The following GAB2 variants were observed in gnomAD, a reference collection of about 807,000 sequenced individuals.
GAB2 encodes GRB2-associated-binding protein 2.
In GAB2, 26 loss-of-function variants were observed where a neutral mutation model predicts 65.5. That is an observed-to-expected ratio of 0.40 (90% CI 0.29 to 0.55). The LOEUF (loss-of-function observed/expected upper bound fraction) is 0.55. GAB2 is among the 20% of genes least tolerant of loss of function. The pLI, the probability that GAB2 is intolerant of heterozygous loss-of-function variation, is 0.53. For synonymous variants in GAB2, 321 were observed against 329.6 expected, an observed-to-expected ratio of 0.97 and a Z score of 0.28; for missense variants, 884 against 875.8, an observed-to-expected ratio of 1.01 and a Z score of -0.12.
chr11:78,321,872 A>T (rs1409711129), intron 1 of GAB2, among the ~76,000 whole-genome samples: 1 of 87,538 alleles, frequency 1.1e-5, no homozygotes, highest in Non-Finnish European at 2.2e-5. Flanking sequence ...TGACAAAGTT[A>T]AAAAAAAAAA....
At chr11:78,274,273 G>A (rs1866103279) in intron 2 of GAB2, among the ~76,000 whole-genome samples, 1 of 152,044 alleles carries the variant, frequency 6.6e-6, no homozygotes, top group Non-Finnish European at 1.5e-5. Context: ...GAGAAAGACA[G>A]ACACAAAGGA....
chr11:78,341,614 C>A (rs940553834), intron 1 of GAB2: 1 of 229,992 alleles, frequency 4.3e-6, no homozygotes, highest in Non-Finnish European at 7.2e-6. Context: ...CCTATCCTCA[C>A]GAATCTCATC....
Position 78,417,736 on chromosome 11 carries a change from C to T in GAB2, c.-16G>A, listed in dbSNP as rs372520986. ...CGCCGCTCATGCTGCCGGCCTGGAG[C>T]CCCCCGCCGGGTCGCGCGGACGAGG... On this transcript the variant is annotated 5_prime_UTR_variant, in exon 1 of 10. Transcript: ENST00000361507. The T allele has an allele frequency of 1.5e-4, 188 of 1,256,342 alleles. 1 individual carries two copies. Among genetic ancestry groups the T allele is most frequent in the South Asian group, 4.9e-4 (27 of 54,670 alleles). 77.8% of individuals were successfully genotyped at this position (1,256,342 alleles called of 1,614,324 possible).
At chr11:78,269,898 G>A (rs1276253961) in intron 2 of GAB2, among the ~76,000 whole-genome samples, 1 of 152,162 alleles carries the variant, frequency 6.6e-6, no homozygotes, top group Non-Finnish European at 1.5e-5. Context: ...TAAAATAGTA[G>A]AGAAGATACA....
At chr11:78,234,688 G>T (rs1243165269) in intron 3 of GAB2, among the ~76,000 whole-genome samples, 1 of 151,056 alleles carries the variant, frequency 6.6e-6, no homozygotes, top group Non-Finnish European at 1.5e-5. Flanking sequence ...TTCTTCTAGT[G>T]ATCTACAGGT....
chr11:78,263,992 A>C (rs1026065051), intron 2 of GAB2, among the ~76,000 whole-genome samples: 1 of 152,054 alleles, frequency 6.6e-6, no homozygotes, highest in African/African-American at 2.4e-5. Flanking sequence ...AAATGAGAAC[A>C]GCTTTTATTT....
At chr11:78,358,438 ATAT>A (rs1485033313) in intron 1 of GAB2, among the ~76,000 whole-genome samples, 1 of 116,016 alleles carries the variant, frequency 8.6e-6, no homozygotes, top group African/African-American at 3.7e-5. Flanking sequence ...AGAACTTAAA[ATAT>A]AATAATAATA....
chr11:78,406,427 G>C (rs1415796677), intron 1 of GAB2, among the ~76,000 whole-genome samples: 1 of 151,924 alleles, frequency 6.6e-6, no homozygotes, highest in African/African-American at 2.4e-5. Flanking sequence ...GCCCAGGTTG[G>C]AGTGCAATGG....
At chr11:78,361,165 A>G (rs1856430093) in intron 1 of GAB2, among the ~76,000 whole-genome samples, 1 of 152,238 alleles carries the variant, frequency 6.6e-6, no homozygotes, top group Admixed American at 6.5e-5. Flanking sequence ...TTAAAAATAA[A>G]GCTGAAACAA....
At chr11:78,250,762 G>T (rs531550613) in intron 2 of GAB2, among the ~76,000 whole-genome samples, 1 of 152,154 alleles carries the variant, frequency 6.6e-6, no homozygotes, top group Admixed American at 6.6e-5. Flanking sequence ...CTTTGGTGGC[G>T]CCTGCTGTGG....
rs781341313 is a variant in GAB2, at chr11:78,390,662, A to G, written c.75+26984T>C. Among the ~76,000 whole-genome samples, 202 of 152,292 alleles carry G rather than the reference A, an allele frequency of 1.3e-3. 2 individuals are homozygous for G. The highest frequency in any genetic ancestry group is 1.9e-3 in the Non-Finnish European group (126 of 68,020). On this transcript the variant is annotated intron_variant, in intron 1 of 9. Coordinates refer to ENST00000361507, the MANE Select transcript of GAB2 (RefSeq NM_080491.3). ...TCAGTGTATAGAGACTTTGAGACAG[A>G]TGTCCAATACCGCGATCTCCTCCAA...
chr11:78,396,384 T>C (rs2135072323), intron 1 of GAB2, among the ~76,000 whole-genome samples: 1 of 152,374 alleles, frequency 6.6e-6, no homozygotes, highest in African/African-American at 2.4e-5. Context: ...ATTTGTAAAT[T>C]TGTTTTCATA....
intron 2 of GAB2, among the ~76,000 whole-genome samples, chr11:78,274,178 G>C (rs1451046789): frequency 1.3e-5 from 2 of 152,186 alleles, no homozygotes; most frequent in African/African-American, 4.8e-5. Flanking sequence ...GGAGGCTGAG[G>C]TGGGAGGATC....
intron 2 of GAB2, among the ~76,000 whole-genome samples, chr11:78,269,265 A>G (rs1255593249): frequency 2.0e-5 from 3 of 152,142 alleles, no homozygotes; most frequent in African/African-American, 7.2e-5. Context: ...TTGGCTTCCA[A>G]CAAGGGTTCC....
chr11:78,417,587 C>A, intron 1 of GAB2, 59 bp downstream of exon 1: 1 of 956,906 alleles, frequency 1.0e-6, no homozygotes, highest in Non-Finnish European at 1.4e-6. Context: ...AGTCCCCCGC[C>A]CCTCCGCAGG....
At chr11:78,330,540 G>A (rs745535481) in intron 1 of GAB2, among the ~76,000 whole-genome samples, 4 of 152,140 alleles carry the variant, frequency 2.6e-5, no homozygotes, top group Admixed American at 6.5e-5. Flanking sequence ...AGAAGGGCCC[G>A]TAGTGATAGA....
intron 1 of GAB2, chr11:78,388,299 G>C (rs1273024227): frequency 6.6e-6 from 1 of 152,188 alleles, no homozygotes; most frequent in Non-Finnish European, 1.5e-5. Flanking sequence ...AACGTGCTAA[G>C]ATCACAAACA....
At chr11:78,277,801 G>A (rs1350836561) in intron 2 of GAB2, among the ~76,000 whole-genome samples, 1 of 152,218 alleles carries the variant, frequency 6.6e-6, no homozygotes, top group African/African-American at 2.4e-5. Flanking sequence ...GTCAAACAGT[G>A]CACTGAAATC....
intron 1 of GAB2, among the ~76,000 whole-genome samples, chr11:78,301,359 T>G (rs1296067825): frequency 6.7e-6 from 1 of 149,410 alleles, no homozygotes; most frequent in African/African-American, 2.5e-5. Flanking sequence ...AGACAGAGTC[T>G]TGCACTGTCA....
Sources: allele counts gnomAD v4.1 joint callset (sites outside exome capture counted in the v4.1 genomes callset), GRCh38; gene constraint gnomAD v4.1.1; transcripts MANE v1.5; gene names NCBI Gene and HGNC (gene_info 2026-07-23, HGNC 2026-07-21).